ACSM2B: variants seen among roughly 807,000 people sequenced by gnomAD.
The protein encoded by ACSM2B is acyl-CoA synthetase medium chain family member 2B.
Under a neutral mutation model 78.6 loss-of-function variants are expected in ACSM2B, and 58 were observed. That is an observed-to-expected ratio of 0.74 (90% CI 0.60 to 0.92). The LOEUF (loss-of-function observed/expected upper bound fraction) is 0.92. Among genes scored for constraint, ACSM2B ranks in the 40% least tolerant of loss-of-function variants. The pLI, the probability that ACSM2B is intolerant of heterozygous loss-of-function variation, is 0.00. For missense variants in ACSM2B, 688 were observed against 711.2 expected, an observed-to-expected ratio of 0.97 and a Z score of 0.37; for synonymous variants, 257 against 256.8, an observed-to-expected ratio of 1.00 and a Z score of -0.01.
chr16:20,547,934 T>C, intron 8 of ACSM2B, 128 bp downstream of exon 8: 1 of 1,536,908 alleles, frequency 6.5e-7, no homozygotes, highest in Non-Finnish European at 8.7e-7. Flanking sequence ...ACCTGTCCCT[T>C]CACAGAGGCT....
chr16:20,540,494 T>C (rs550724918), intron 13 of ACSM2B, among the ~76,000 whole-genome samples, 160 bp downstream of exon 13: 27 of 152,288 alleles, frequency 1.8e-4, no homozygotes, highest in Middle Eastern at 3.4e-3. Flanking sequence ...CCACCCGCCT[T>C]GGCCTTCCAA....
intron 3 of ACSM2B, among the ~76,000 whole-genome samples, chr16:20,558,121 C>T (rs2015532349): frequency 6.6e-6 from 1 of 152,176 alleles, no homozygotes; most frequent in African/African-American, 2.4e-5. Context: ...TCCCCAATTT[C>T]TCCGATAGAT....
In ACSM2B at chr16:20,537,369, A is replaced by T; in HGVS notation, c.1630-7T>A. ...GGTTCAAGACAAACTCTATCTGTTG[A>T]AAAACAAATCAGTCCAGGGTGGGTG... is the stretch of plus-strand genomic sequence containing the variant. On this transcript the variant is annotated splice_region_variant and splice_polypyrimidine_tract_variant and intron_variant, in intron 13 of 13. Coordinates refer to ENST00000329697, the MANE Select transcript of ACSM2B (RefSeq NM_001105069.2). The T allele has an allele frequency of 1.2e-6, 2 of 1,613,750 alleles. No individual in the cohort carries two copies. The highest frequency in any genetic ancestry group is 1.7e-6 in the Non-Finnish European group (2 of 1,179,650).
At position 20,553,892 on chromosome 16, in the gene ACSM2B, C is replaced by G. The variant is rs2015391430; in HGVS notation, c.625G>C (p.Glu209Gln). ...NEASTTHHCVETGSQEASAIY... is the reference protein window; with the variant it reads ...NEASTTHHCVQTGSQEASAIY... ...GCAGATGCTTCCTGGCTTCCAGTCT[C>G]CACACAGTGATGAGTGGTGGATGCC... is the stretch of plus-strand genomic sequence containing the variant. Residue 209 changes from glutamate (E) to glutamine (Q), a missense_variant, in exon 5 of 14, where the codon GAG becomes CAG. Physicochemically the swap from Glu to Gln is conservative, Grantham distance 29. Coordinates refer to ENST00000329697, the MANE Select transcript of ACSM2B (RefSeq NM_001105069.2). 2 of 1,613,808 alleles carry G rather than the reference C, an allele frequency of 1.2e-6. No individual in the cohort carries two copies. The highest frequency in any genetic ancestry group is 1.7e-6 in the Non-Finnish European group (2 of 1,179,798).
intron 10 of ACSM2B, among the ~76,000 whole-genome samples, chr16:20,544,324 C>T (rs2015076758): frequency 6.6e-6 from 1 of 152,142 alleles, no homozygotes; most frequent in South Asian, 2.1e-4. Context: ...TGAGACATGA[C>T]AGATAGGTAA....
chr16:20,541,495 C>T (rs1385548945), intron 12 of ACSM2B, among the ~76,000 whole-genome samples: 1 of 151,996 alleles, frequency 6.6e-6, no homozygotes, highest in African/African-American at 2.4e-5. Flanking sequence ...GGCACAGGGG[C>T]TCTATCCTTT....
chr16:20,543,313 C>G, intron 10 of ACSM2B, 51 bp from the exon 11 acceptor site: 1 of 1,612,810 alleles, frequency 6.2e-7, no homozygotes, highest in Non-Finnish European at 8.5e-7. Context: ...CCTAAATCCC[C>G]TGCCCTGGGG....
chr16:20,549,673 A>G (rs2015243632), intron 6 of ACSM2B: 10 of 392,552 alleles, frequency 2.5e-5, no homozygotes, highest in South Asian at 2.0e-4. Flanking sequence ...CAGAGCCCTC[A>G]GGAGGTCCTG....
chr16:20,562,866 C>T (rs114356471), intron 2 of ACSM2B, among the ~76,000 whole-genome samples: 4 of 152,120 alleles, frequency 2.6e-5, no homozygotes, highest in African/African-American at 9.7e-5. Flanking sequence ...CAGACATTTG[C>T]ATTCTGGAAA....
chr16:20,545,139 A>G lies in ACSM2B; in HGVS notation c.1281+18T>C. 6.2e-7 allele frequency: 1 copy of G among 1,605,980 alleles called. No homozygotes were observed. On this transcript the variant is annotated intron_variant, in intron 10 of 13. Transcript: ENST00000329697. ...CATCCTCACTGGGGAACAGAGGAGG[A>G]GAAGCACAGTTTCTCACCACATAGC...
intron 10 of ACSM2B, 141 bp downstream of exon 10, chr16:20,545,016 A>G (rs1701157068): frequency 2.5e-6 from 3 of 1,209,278 alleles, no homozygotes; most frequent in Non-Finnish European, 3.3e-6. Flanking sequence ...CCACTGGCAA[A>G]GCATACATTC....
In ACSM2B at chr16:20,554,688, A is replaced by G. The variant is rs148212825; in HGVS notation, c.596+581T>C. On this transcript the variant is annotated intron_variant, in intron 4 of 13. Coordinates refer to ENST00000329697, the MANE Select transcript of ACSM2B (RefSeq NM_001105069.2). ...CTTGATCAGCCTCTCTTAGAGATAC[A>G]AGAGGTGGGAAGAAGAGCCTAGAAA... Among the ~76,000 whole-genome samples the G allele has an allele frequency of 1.4e-3, 206 of 152,320 alleles. 1 individual carries two copies. The highest frequency in any genetic ancestry group is 4.8e-3 in the African/African-American group (199 of 41,574).
intron 3 of ACSM2B, among the ~76,000 whole-genome samples, chr16:20,557,268 G>C (rs545106000): frequency 7.9e-5 from 12 of 152,228 alleles, no homozygotes; most frequent in African/African-American, 2.6e-4. Context: ...AATTGAACTT[G>C]TCATATTTTC....
At chr16:20,544,552 G>A in intron 10 of ACSM2B, 1 of 978,708 alleles carries the variant, frequency 1.0e-6, no homozygotes, top group Non-Finnish European at 1.2e-6. Flanking sequence ...TATTTATTTA[G>A]TTTATTAGTC....
rs189337392 is a variant in ACSM2B, at chr16:20,548,722, C to A, written c.895-249G>T. On this transcript the variant is annotated intron_variant, in intron 6 of 13. Coordinates refer to ENST00000329697, the MANE Select transcript of ACSM2B (RefSeq NM_001105069.2). ...TAAGGCTAATTTGAAACATTTTTGT[C>A]AAATCCTGGATGTCTGTTCCTGCCA... Among the ~76,000 whole-genome samples the A allele has an allele frequency of 4.5e-3, 680 of 152,188 alleles. 4 individuals are homozygous for A. The highest frequency in any genetic ancestry group is 0.014 in the Admixed American group (220 of 15,274).
At chr16:20,555,972 A>T (rs2015461892) in intron 3 of ACSM2B, among the ~76,000 whole-genome samples, 1 of 152,154 alleles carries the variant, frequency 6.6e-6, no homozygotes, top group Non-Finnish European at 1.5e-5. Flanking sequence ...ATCTATGTAC[A>T]CACAAAGTAT....
At chr16:20,546,599 C>T (rs1178577842) in intron 8 of ACSM2B, 125 bp from the exon 9 acceptor site, 1 of 1,407,616 alleles carries the variant, frequency 7.1e-7, no homozygotes, top group Non-Finnish European at 9.4e-7. Context: ...GGTGGCTCCC[C>T]CTGCTCCTCA....
intron 6 of ACSM2B, among the ~76,000 whole-genome samples, chr16:20,550,315 A>G (rs1286622153): frequency 1.3e-5 from 2 of 152,212 alleles, no homozygotes; most frequent in Non-Finnish European, 2.9e-5. Context: ...TGCTTGATAC[A>G]CAGATATAAG....
intron 9 of ACSM2B, 85 bp downstream of exon 9, chr16:20,546,309 T>C (rs2015140464): frequency 6.6e-7 from 1 of 1,515,880 alleles, no homozygotes; most frequent in African/African-American, 1.4e-5. Flanking sequence ...TCTATTATTT[T>C]TGACTCAATA....
Sources: gnomAD v4.1 joint callset for allele counts (sites outside exome capture counted in the v4.1 genomes callset) on GRCh38, gnomAD v4.1.1 for gene constraint, MANE v1.5 for transcripts, NCBI Gene and HGNC (gene_info 2026-07-23, HGNC 2026-07-21) for gene names.